The following SUGCT variants were observed in gnomAD, a reference collection of about 807,000 sequenced individuals.
SUGCT encodes succinyl-CoA:glutarate-CoA transferase, also known as succinyl-CoA:glutarate CoA-transferase.
Under a neutral mutation model 55.0 loss-of-function variants are expected in SUGCT, and 41 were observed. The ratio of observed to expected loss-of-function variants is 0.74; its 90% CI spans 0.58 to 0.97. The LOEUF (loss-of-function observed/expected upper bound fraction) is 0.97, where lower values mean the gene tolerates loss of function less well. Among genes scored for constraint, SUGCT ranks in the 50% least tolerant of loss-of-function variants. SUGCT has a pLI of 0.00. For missense variants in SUGCT, 568 were observed against 547.8 expected, an observed-to-expected ratio of 1.04 and a Z score of -0.37; for synonymous variants, 187 against 200.4, an observed-to-expected ratio of 0.93 and a Z score of 0.56.
chr7:40,357,604 T>C (rs1797938231), intron 9 of SUGCT, among the ~76,000 whole-genome samples: 1 of 152,238 alleles, frequency 6.6e-6, no homozygotes, highest in African/African-American at 2.4e-5. Context: ...TAGCCATAGA[T>C]GTAAACAGAG....
intron 9 of SUGCT, among the ~76,000 whole-genome samples, chr7:40,393,007 T>G (rs1785526667): frequency 6.6e-6 from 1 of 152,102 alleles, no homozygotes; most frequent in Non-Finnish European, 1.5e-5. Flanking sequence ...TGGGGCACAT[T>G]GTCTTTGGTA....
intron 12 of SUGCT, among the ~76,000 whole-genome samples, chr7:40,594,775 C>T (rs1387741615): frequency 2.6e-5 from 4 of 152,164 alleles, no homozygotes; most frequent in African/African-American, 9.7e-5. Flanking sequence ...CACATTTATG[C>T]ATGGTCAATG....
chr7:40,955,774 A>T, the SUGCT span, among the ~76,000 whole-genome samples: 1 of 152,150 alleles, frequency 6.6e-6, no homozygotes, highest in African/African-American at 2.4e-5. Context: ...GTTTGTCATA[A>T]ATAGCTCTTA....
intron 6 of SUGCT, among the ~76,000 whole-genome samples, chr7:40,237,431 C>T (rs1055435342): frequency 6.6e-6 from 1 of 151,828 alleles, no homozygotes; most frequent in African/African-American, 2.4e-5. Flanking sequence ...TCGACGGGAA[C>T]GAGACTCCAT....
At chr7:40,832,806 C>A (rs1792764758) in intron 13 of SUGCT, among the ~76,000 whole-genome samples, 1 of 151,970 alleles carries the variant, frequency 6.6e-6, no homozygotes, top group South Asian at 2.1e-4. Flanking sequence ...TCCCAAGTAG[C>A]TGGGACTACA....
intron 12 of SUGCT, among the ~76,000 whole-genome samples, chr7:40,556,216 C>T (rs550945091): frequency 6.6e-6 from 1 of 152,298 alleles, no homozygotes; most frequent in African/African-American, 2.4e-5. Flanking sequence ...TAACTTTCTC[C>T]AGAGGACTGA....
chr7:40,824,437 A>G (rs992779549), intron 13 of SUGCT, among the ~76,000 whole-genome samples: 1 of 150,210 alleles, frequency 6.7e-6, no homozygotes, highest in African/African-American at 2.4e-5. Flanking sequence ...ACTTGTGCAG[A>G]TAAAGGAGTT....
chr7:40,672,395 A>G (rs1012001665), intron 12 of SUGCT, among the ~76,000 whole-genome samples: 11 of 152,228 alleles, frequency 7.2e-5, no homozygotes, highest in Non-Finnish European at 1.5e-4. Context: ...GAAACAAACT[A>G]TTGATACCTG....
intron 12 of SUGCT, among the ~76,000 whole-genome samples, chr7:40,673,421 G>A (rs1015616455): frequency 6.6e-6 from 1 of 152,138 alleles, no homozygotes; most frequent in Non-Finnish European, 1.5e-5. Context: ...ACTTCCCGTG[G>A]CCTTTCATCA....
chr7:40,481,534 A>G (rs544594249), intron 11 of SUGCT, among the ~76,000 whole-genome samples: 4 of 152,002 alleles, frequency 2.6e-5, no homozygotes, highest in Non-Finnish European at 5.9e-5. Flanking sequence ...ACCACCATCA[A>G]TAAAAACTTA....
chr7:40,206,598 G>C (rs1370209132), intron 6 of SUGCT, among the ~76,000 whole-genome samples: 1 of 152,086 alleles, frequency 6.6e-6, no homozygotes, highest in Non-Finnish European at 1.5e-5. Flanking sequence ...TTATATGAGG[G>C]ATTAGTTCCA....
chr7:40,733,986 G>T (rs1787029438), intron 12 of SUGCT, among the ~76,000 whole-genome samples: 1 of 152,148 alleles, frequency 6.6e-6, no homozygotes, highest in Admixed American at 6.5e-5. Context: ...TTAATGTTTT[G>T]TTACAACCTT....
intron 13 of SUGCT, among the ~76,000 whole-genome samples, chr7:40,848,512 A>C (rs1793694040): frequency 6.6e-6 from 1 of 152,182 alleles, no homozygotes; most frequent in African/African-American, 2.4e-5. Flanking sequence ...TATCTGCAGA[A>C]ACTGGAAATT....
intron 12 of SUGCT, chr7:40,538,968 A>G (rs1434134356): frequency 1.3e-5 from 2 of 152,360 alleles, no homozygotes; most frequent in South Asian, 2.1e-4. Flanking sequence ...AGTCTCAGCT[A>G]CTTGGGAGGC....
chr7:40,358,335 A>T (rs1797977663), intron 9 of SUGCT, among the ~76,000 whole-genome samples: 1 of 152,224 alleles, frequency 6.6e-6, no homozygotes, highest in Non-Finnish European at 1.5e-5. Flanking sequence ...TTGCGTAACT[A>T]AGATGTGAGA....
intron 3 of SUGCT, among the ~76,000 whole-genome samples, chr7:40,182,703 G>A (rs1334908166): frequency 2.6e-5 from 4 of 152,180 alleles, no homozygotes; most frequent in Non-Finnish European, 5.9e-5. Flanking sequence ...ATGGGCTGAT[G>A]CTATTATTCA....
chr7:40,289,598 ACAGGGATGCCCTCTCC>A (rs1226048438), intron 8 of SUGCT, among the ~76,000 whole-genome samples: 1 of 152,182 alleles, frequency 6.6e-6, no homozygotes, highest in Non-Finnish European at 1.5e-5. Flanking sequence ...CTGGCACAAG[ACAGGGATGCCCTCTCC>A]CACCACTCCT....
chr7:40,198,484 A>G (rs775334902), intron 6 of SUGCT, among the ~76,000 whole-genome samples: 1 of 152,242 alleles, frequency 6.6e-6, no homozygotes, highest in African/African-American at 2.4e-5. Context: ...TCTAAATTTC[A>G]ACAGATTCTT....
chr7:40,521,572 A>G (rs1233204645), intron 12 of SUGCT, among the ~76,000 whole-genome samples: 1 of 152,118 alleles, frequency 6.6e-6, no homozygotes, highest in Non-Finnish European at 1.5e-5. Flanking sequence ...GAAGTTATAA[A>G]CAGTAGTGAC....
Sources: allele counts gnomAD v4.1 joint callset (sites outside exome capture counted in the v4.1 genomes callset), GRCh38; gene constraint gnomAD v4.1.1; transcripts MANE v1.5; gene names NCBI Gene and HGNC (gene_info 2026-07-23, HGNC 2026-07-21).